BTG4: variants seen among roughly 807,000 people sequenced by gnomAD.
BTG4 encodes the protein protein BTG4.
In BTG4, 10 loss-of-function variants were observed where a neutral mutation model predicts 19.3. The observed-to-expected ratio is 0.52, with a 90% CI of 0.32 to 0.88. The LOEUF (loss-of-function observed/expected upper bound fraction) is 0.88, where lower values mean the gene tolerates loss of function less well. Among genes scored for constraint, BTG4 ranks in the 40% least tolerant of loss-of-function variants. BTG4 has a pLI of 0.04. For missense variants in BTG4, 238 were observed against 281.9 expected, an observed-to-expected ratio of 0.84 and a Z score of 1.11; for synonymous variants, 91 against 95.7, an observed-to-expected ratio of 0.95 and a Z score of 0.29.
intron 5 of BTG4, among the ~76,000 whole-genome samples, chr11:111,483,231 T>G (rs934717876): frequency 6.6e-6 from 1 of 152,144 alleles, no homozygotes; most frequent in African/African-American, 2.4e-5. Flanking sequence ...CAATCCCCTT[T>G]TAATATGTGG....
chr11:111,513,135 C>G (rs1156390952), upstream of BTG4: 14 of 384,170 alleles, frequency 3.6e-5, no homozygotes, highest in South Asian at 5.9e-5. Flanking sequence ...GCCTGCCCCG[C>G]GAGCGCCCGC....
chr11:111,453,033 C>A, the BTG4 span, among the ~76,000 whole-genome samples: 2 of 152,100 alleles, frequency 1.3e-5, no homozygotes, highest in Admixed American at 6.6e-5. Context: ...CTCTGGTGAC[C>A]AAACGGGGTT....
chr11:111,394,217 G>T, the BTG4 span, among the ~76,000 whole-genome samples: 6 of 152,178 alleles, frequency 3.9e-5, no homozygotes, highest in African/African-American at 1.4e-4. Context: ...CTGAACTTGC[G>T]GTAGCCAGCC....
chr11:111,463,101 C>T (rs1190743347), downstream of BTG4: 1 of 152,810 alleles, frequency 6.5e-6, no homozygotes, highest in Admixed American at 6.5e-5. Flanking sequence ...GACAGAACTT[C>T]CTGGCTAAGG....
chr11:111,404,837 G>C, the BTG4 span: 1 of 349,010 alleles, frequency 2.9e-6, no homozygotes, highest in Non-Finnish European at 5.7e-6. Flanking sequence ...TATCTCTCAT[G>C]GTCTAATTGT....
At chr11:111,439,441 C>T in the BTG4 span, among the ~76,000 whole-genome samples, 2 of 152,008 alleles carry the variant, frequency 1.3e-5, no homozygotes, top group Admixed American at 6.6e-5. Context: ...GGAGAAGACA[C>T]CAGCCCAAGG....
the BTG4 span, among the ~76,000 whole-genome samples, chr11:111,419,287 C>T: frequency 6.6e-6 from 1 of 152,232 alleles, no homozygotes; most frequent in Admixed American, 6.5e-5. Flanking sequence ...ATAAAAGCTA[C>T]AGCCAATCAG....
intron 1 of BTG4, among the ~76,000 whole-genome samples, chr11:111,503,291 T>C (rs1866216640): frequency 1.3e-5 from 2 of 152,224 alleles, no homozygotes; most frequent in African/African-American, 4.8e-5. Flanking sequence ...TTCATTCAGA[T>C]TGAGGTATAC....
intron 5 of BTG4, among the ~76,000 whole-genome samples, chr11:111,486,539 G>A (rs1200727022): frequency 1.3e-5 from 2 of 152,070 alleles, no homozygotes; most frequent in Non-Finnish European, 2.9e-5. Context: ...CATACTATGA[G>A]GCCAGTATTA....
the BTG4 span, among the ~76,000 whole-genome samples, chr11:111,425,736 C>T: frequency 8.5e-5 from 13 of 152,102 alleles, no homozygotes; most frequent in Non-Finnish European, 1.6e-4. Context: ...AGAAAAGCAT[C>T]GAAATGGATC....
At chr11:111,502,201 G>A (rs1866130851) in intron 1 of BTG4, among the ~76,000 whole-genome samples, 1 of 151,832 alleles carries the variant, frequency 6.6e-6, no homozygotes, top group Admixed American at 6.6e-5. Context: ...TGAACTCCTG[G>A]GCTCAAGGAA....
At chr11:111,456,040 T>C in the BTG4 span, among the ~76,000 whole-genome samples, 2 of 144,400 alleles carry the variant, frequency 1.4e-5, no homozygotes, top group Non-Finnish European at 3.1e-5. The surrounding 1 kb of genome is among the most constrained non-coding windows in gnomAD (Gnocchi z 4.2). Flanking sequence ...CGGGAGGGGC[T>C]TCCCATGCAA....
At chr11:111,509,420 T>G (rs1028661032) in intron 1 of BTG4, among the ~76,000 whole-genome samples, 1 of 152,130 alleles carries the variant, frequency 6.6e-6, no homozygotes, top group African/African-American at 2.4e-5. Context: ...CCAGGTGCAG[T>G]GGCTCACTCC....
chr11:111,507,586 C>G (rs1301258097), intron 1 of BTG4, among the ~76,000 whole-genome samples: 1 of 152,132 alleles, frequency 6.6e-6, no homozygotes, highest in Non-Finnish European at 1.5e-5. Flanking sequence ...TCTTTACTGA[C>G]CAAACCTTGG....
At chr11:111,446,624 A>AACACACACACACACACACACACAC in the BTG4 span, among the ~76,000 whole-genome samples, 13 of 146,844 alleles carry the variant, frequency 8.9e-5, no homozygotes, top group African/African-American at 3.3e-4. Context: ...GACACCAATA[A>AACACACACACACACACACACACAC]ACACACACAC....
chr11:111,501,963 A>G (rs1010847679), intron 1 of BTG4, among the ~76,000 whole-genome samples: 10 of 152,206 alleles, frequency 6.6e-5, no homozygotes, highest in African/African-American at 2.2e-4. Flanking sequence ...AACAAACGTG[A>G]AAGTAGGACC....
chr11:111,445,061 G>T, the BTG4 span, among the ~76,000 whole-genome samples: 1 of 152,208 alleles, frequency 6.6e-6, no homozygotes, highest in Admixed American at 6.5e-5. Flanking sequence ...GAGATGGGGA[G>T]CCCAACGGCT....
chr11:111,428,153 G>A, the BTG4 span, among the ~76,000 whole-genome samples: 3 of 152,184 alleles, frequency 2.0e-5, no homozygotes, highest in East Asian at 1.9e-4. Context: ...GAAAATTTCT[G>A]AGTTAGGCCT....
chr11:111,476,595 C>T (rs892478077), intron 5 of BTG4, among the ~76,000 whole-genome samples: 10 of 152,090 alleles, frequency 6.6e-5, no homozygotes, highest in African/African-American at 2.2e-4. Context: ...TAATTCAGCT[C>T]ACATAGTTAG....
Sources: gnomAD v4.1 joint callset for allele counts (sites outside exome capture counted in the v4.1 genomes callset) on GRCh38, gnomAD v4.1.1 for gene constraint, Gnocchi (gnomAD v3.1) non-coding constraint, MANE v1.5 for transcripts, NCBI Gene and HGNC (gene_info 2026-07-23, HGNC 2026-07-21) for gene names.